The following WASHC4 variants were observed in gnomAD, a reference collection of about 807,000 sequenced individuals.
WASHC4 encodes the protein WASH complex subunit 4.
A neutral mutation model predicts 166.6 loss-of-function variants in WASHC4; 86 were observed. That is an observed-to-expected ratio of 0.52 (90% confidence interval 0.43 to 0.62). The LOEUF (loss-of-function observed/expected upper bound fraction) is 0.62, where lower values mean the gene tolerates loss of function less well. Among genes scored for constraint, WASHC4 ranks in the 20% least tolerant of loss-of-function variants. The probability of loss-of-function intolerance (pLI) is 0.00; values close to 1 mark genes in which losing one functional copy is unlikely to be tolerated. For missense variants in WASHC4, 1,262 were observed against 1,382.4 expected (o/e 0.91, Z 1.38); for synonymous variants, 446 against 451.6 (o/e 0.99, Z 0.16).
chr12:105,148,456 A>C (rs1447068129), intron 24 of WASHC4: 1 of 985,248 alleles, frequency 1.0e-6, no homozygotes, highest in African/African-American at 1.7e-5. Context: ...ACAGGGATAT[A>C]GATGTTCATC....
intron 13 of WASHC4, among the ~76,000 whole-genome samples, chr12:105,127,710 G>A (rs1163416189): frequency 1.3e-5 from 2 of 151,954 alleles, no homozygotes; most frequent in Admixed American, 1.3e-4. Flanking sequence ...AATAGTATAT[G>A]CATGTATATA....
In WASHC4 at chr12:105,164,826, A is replaced by G. The variant is rs913147361; in HGVS notation, c.3454+86A>G. ...CACCATTTTATCTGGTCAGACATCT[A>G]GCTTCTTTGTCCTTTTGGAAAATAA... On this transcript the variant is annotated intron_variant, in intron 32 of 32. Transcript: ENST00000332180. The G allele has an allele frequency of 4.5e-6, 4 of 885,306 alleles. No homozygotes were observed. In the African/African-American group the frequency reaches 6.7e-5, roughly 15 times the overall value. The allele number at this position is 885,306 out of a possible 1,614,324, so 54.8% of individuals were successfully genotyped here. A position where few individuals can be genotyped will look rare whatever the true frequency, so the allele number is the denominator to read the frequency against.
Position 105,125,998 on chromosome 12 carries a change from G to C in WASHC4, c.787-6G>C, listed in dbSNP as rs1484996826. The C allele has an allele frequency of 4.3e-6, 7 of 1,611,038 alleles. No individual in the cohort carries two copies. Among genetic ancestry groups the C allele is most frequent in the Non-Finnish European group, 5.9e-6 (7 of 1,177,946 alleles). ...CTGAATTTCTCTTTCAATGTTTCCT[G>C]TCTAGGCCTGTATAGAACAACAATT... On this transcript the variant is annotated splice_region_variant and splice_polypyrimidine_tract_variant and intron_variant, in intron 10 of 32. Coordinates refer to ENST00000332180, the MANE Select transcript of WASHC4 (RefSeq NM_015275.3).
rs745417739 is a variant in WASHC4, at chr12:105,142,441, T to C, written c.1788-12T>C. The C allele has an allele frequency of 1.3e-6, 2 of 1,511,084 alleles. No individual in the cohort carries two copies. Among genetic ancestry groups the C allele is most frequent in the East Asian group, 2.3e-5 (1 of 44,272 alleles). The allele number at this position is 1,511,084 out of a possible 1,614,324, so 93.6% of individuals were successfully genotyped here. A position where few individuals can be genotyped will look rare whatever the true frequency, so the allele number is the denominator to read the frequency against. On this transcript the variant is annotated splice_polypyrimidine_tract_variant and intron_variant, in intron 18 of 32. Transcript: ENST00000332180. ...CAGTTTTGGTGTGACTGATTACTAC[T>C]TTACATTGTAGAGTCCAAACACAAT...
chr12:105,139,308 T>G (rs2135786434), intron 15 of WASHC4, among the ~76,000 whole-genome samples: 1 of 151,290 alleles, frequency 6.6e-6, no homozygotes, highest in South Asian at 2.1e-4. Flanking sequence ...TGTGCAGGAG[T>G]TTTTGTAAGG....
intron 7 of WASHC4, 36 bp downstream of exon 7, chr12:105,118,564 A>G (rs1413648437): frequency 8.6e-7 from 1 of 1,168,240 alleles, no homozygotes; most frequent in African/African-American, 1.5e-5. Context: ...CTTTTATAAT[A>G]GAGATGCAGA....
Position 105,112,059 on chromosome 12 carries a change from A to G in WASHC4, c.201+795A>G, listed in dbSNP as rs76114193. ...TGATAATCAACCCCCAGTTCATGCC[A>G]TGGCATACCTGCCCTAGGCAACCAC... On this transcript the variant is annotated intron_variant, in intron 2 of 32. Transcript: ENST00000332180. 3.3e-3 allele frequency among the ~76,000 whole-genome samples: 501 copies of G among 149,598 alleles called. 20 individuals carry two copies. In the East Asian group the frequency reaches 0.074, roughly 22 times the overall value.
At chr12:105,112,807 C>T (rs1042046517) in intron 2 of WASHC4, among the ~76,000 whole-genome samples, 13 of 152,122 alleles carry the variant, frequency 8.5e-5, no homozygotes, top group Admixed American at 7.9e-4. Context: ...CACCACAATC[C>T]TATAAAGTAG....
intron 12 of WASHC4, 92 bp downstream of exon 12, chr12:105,126,454 C>A: frequency 9.7e-7 from 1 of 1,031,094 alleles, no homozygotes; most frequent in Non-Finnish European, 1.4e-6. Context: ...TTCCTGTTTA[C>A]AAAAATAATT....
chr12:105,155,773 C>T (rs577613496), intron 26 of WASHC4, among the ~76,000 whole-genome samples: 69 of 152,188 alleles, frequency 4.5e-4, no homozygotes, highest in Admixed American at 1.6e-3. Context: ...ACTGCAGAGG[C>T]GGAGGTTGCA....
At chr12:105,121,740 T>C (rs1262858377) in intron 9 of WASHC4, among the ~76,000 whole-genome samples, 4 of 152,156 alleles carry the variant, frequency 2.6e-5, no homozygotes, top group Non-Finnish European at 5.9e-5. Context: ...TCTCTTGACC[T>C]CATGATCCGC....
Position 105,144,875 on chromosome 12 carries a change from A to G in WASHC4, c.2334+3A>G, listed in dbSNP as rs765242451. 3.1e-6 allele frequency: 5 copies of G among 1,609,774 alleles called. No homozygotes were observed. The highest frequency in any genetic ancestry group is 2.2e-5 in the South Asian group (2 of 90,866). On this transcript the variant is annotated splice_donor_region_variant and intron_variant, in intron 22 of 32. Transcript: ENST00000332180. ...TTCCCAGTCAGACTTTGGAACAGGT[A>G]TAGTATAAAATGTTTTTTTTAGCAT...
In WASHC4 at chr12:105,118,504, T is replaced by TG. The variant is rs1880402940; in HGVS notation, c.496dup (p.Ala166GlyfsTer7). 1.2e-6 allele frequency: 2 copies of TG among 1,611,932 alleles called. No individual in the cohort carries two copies. The highest frequency in any genetic ancestry group is 8.5e-7 in the Non-Finnish European group (1 of 1,178,062). On this transcript the variant is annotated frameshift_variant, in exon 7 of 33. Transcript: ENST00000332180. LOFTEE classifies it high-confidence loss of function. Reference sequence around the variant, plus strand: ...GTGGTGATGAACGTAGTCCACCAGTTGGCTGCCCTCTATATCAGTAACAAG... The same window carrying TG: ...GTGGTGATGAACGTAGTCCACCAGTTGGGCTGCCCTCTATATCAGTAACAAG...
intron 1 of WASHC4, among the ~76,000 whole-genome samples, chr12:105,108,536 T>G (rs904862664): frequency 6.6e-6 from 1 of 152,234 alleles, no homozygotes; most frequent in African/African-American, 2.4e-5. Context: ...AAATTTTGCT[T>G]CACAAGATCG....
chr12:105,140,417 T>A lies in WASHC4; in HGVS notation c.1560+16T>A, dbSNP rs538008297. 6.6e-7 allele frequency: 1 copy of A among 1,514,894 alleles called. No individual in the cohort carries two copies. The highest frequency in any genetic ancestry group is 9.2e-7 in the Non-Finnish European group (1 of 1,089,584). 93.8% of individuals were successfully genotyped at this position (1,514,894 alleles called of 1,614,324 possible). A position where few individuals can be genotyped will look rare whatever the true frequency, so the allele number is the denominator to read the frequency against. On this transcript the variant is annotated intron_variant, in intron 16 of 32. Transcript: ENST00000332180. ...TGTGGCCAAGGTATGCAGCTTATTATGTATTTAGCATAAGTATGTTATCTT... is the reference window on the plus strand; with the variant it reads ...TGTGGCCAAGGTATGCAGCTTATTAAGTATTTAGCATAAGTATGTTATCTT...
intron 6 of WASHC4, 124 bp downstream of exon 6, chr12:105,115,852 T>C: frequency 1.4e-6 from 1 of 719,242 alleles, no homozygotes; most frequent in Non-Finnish European, 2.5e-6. Context: ...AGACACTTAA[T>C]TAGCATTGGA....
intron 5 of WASHC4, 103 bp downstream of exon 5, chr12:105,115,332 A>G: frequency 1.2e-6 from 1 of 802,588 alleles, no homozygotes; most frequent in South Asian, 1.5e-5. Flanking sequence ...AGTGTGAGAA[A>G]AATAAGTATT....
At chr12:105,118,698 C>G (rs1343808082) in intron 7 of WASHC4, among the ~76,000 whole-genome samples, 170 bp downstream of exon 7, 1 of 152,222 alleles carries the variant, frequency 6.6e-6, no homozygotes, top group African/African-American at 2.4e-5. Flanking sequence ...GATGCAGTTT[C>G]CACCATGGTG....
rs2135797869 is a variant in WASHC4, at chr12:105,143,199, C to T, written c.1966C>T (p.Leu656Phe). The T allele has an allele frequency of 6.2e-7, 1 of 1,608,908 alleles. No individual in the cohort carries two copies. Among genetic ancestry groups the T allele is most frequent in the Middle Eastern group, 1.7e-4 (1 of 6,044 alleles). ...AAGGCATTTAGAGTCCTATGAGATA[C>T]TTCTGGATTGCTATGACAAGGAAAT... The part of the protein sequence containing the change: ...HARHLESYEI[L>F]LDCYDKEIME... Residue 656 changes from leucine to phenylalanine, a missense_variant, in exon 20 of 33, where the codon CTT (leucine) becomes TTT (phenylalanine). Transcript: ENST00000332180.
Sources: gnomAD v4.1 joint callset for allele counts (sites outside exome capture counted in the v4.1 genomes callset) on GRCh38, gnomAD v4.1.1 for gene constraint, MANE v1.5 for transcripts, NCBI Gene and HGNC (gene_info 2026-07-23, HGNC 2026-07-21) for gene names.